Variants in CCNB3 observed in about 807,000 individuals in gnomAD.
CCNB3 encodes the protein cyclin B3.
CCNB3 carries 12 observed loss-of-function variants against 68.0 expected under a neutral mutation model. The observed-to-expected ratio is 0.18, with a 90% CI of 0.11 to 0.29. The LOEUF (loss-of-function observed/expected upper bound fraction) is 0.29. Ranked by LOEUF, CCNB3 falls within the 10% of genes least tolerant of loss-of-function variation. The probability of loss-of-function intolerance (pLI) is 1.00; values close to 1 mark genes in which losing one functional copy is unlikely to be tolerated. For missense variants in CCNB3, 904 were observed against 993.1 expected (o/e 0.91, Z 1.21); for synonymous variants, 354 against 388.9 (o/e 0.91, Z 1.06).
chrX:50,302,252 G>T (rs1557212820), intron 5 of CCNB3, among the ~76,000 whole-genome samples: 2 of 111,733 alleles, frequency 1.8e-5, no homozygotes, highest in Non-Finnish European at 3.8e-5. Flanking sequence ...GACTGGAGCT[G>T]TTCCTATTTG....
At chrX:50,226,862 AG>A (rs1472708270) in intron 1 of CCNB3, among the ~76,000 whole-genome samples, 1,934 of 71,738 alleles carry the variant, frequency 0.027, 193 homozygotes, top group African/African-American at 0.13. Context: ...GAATATATAT[AG>A]AATATATAGA....
rs782229879 is a variant in CCNB3 at position 50,310,657 on chromosome X, C to G, written c.2488C>G (p.Pro830Ala). The G allele has an allele frequency of 8.3e-7, 1 of 1,208,351 alleles. No individual in the cohort carries two copies. Among genetic ancestry groups the G allele is most frequent in the Admixed American group, 2.2e-5 (1 of 45,673 alleles). The change falls in exon 6 of 13, where the codon CCT becomes GCT. Residue 830 changes from proline (P) to alanine (A), a missense_variant. Physicochemically the swap from Pro to Ala is conservative, Grantham distance 27. This residue lies in a region of CCNB3 where 619 missense variants were observed against 609.8 expected (regional missense o/e 1.02). Coordinates refer to ENST00000376042, the MANE Select transcript of CCNB3 (RefSeq NM_033031.3). ...TGACACAGAAGCTCACTTTAAGGAA[C>G]CTTTGGCCTTGCAGGAGGAGCCCAG... ...TIDTEAHFKE[P>A]LALQEEPSTE...
chrX:50,336,368 G>T (rs957322549), intron 8 of CCNB3, among the ~76,000 whole-genome samples: 11 of 112,104 alleles, frequency 9.8e-5, no homozygotes, highest in Non-Finnish European at 1.7e-4. Flanking sequence ...GTAAGTCGGT[G>T]TTTCACCTGG....
At chrX:50,224,257 C>G (rs1392517761) in intron 1 of CCNB3, among the ~76,000 whole-genome samples, 1 of 110,841 alleles carries the variant, frequency 9.0e-6, no homozygotes, top group African/African-American at 3.3e-5. Context: ...AATATACTTT[C>G]ATGTAAAAGT....
At chrX:50,322,317 G>A (rs1922061350) in intron 8 of CCNB3, among the ~76,000 whole-genome samples, 1 of 110,806 alleles carries the variant, frequency 9.0e-6, no homozygotes, top group African/African-American at 3.3e-5. Flanking sequence ...AACAAGCAAT[G>A]GGGAAAGGAT....
At chrX:50,339,796 G>A (rs946901201) in intron 8 of CCNB3, among the ~76,000 whole-genome samples, 1 of 111,032 alleles carries the variant, frequency 9.0e-6, no homozygotes, top group African/African-American at 3.3e-5. Context: ...GGGCAAGGGG[G>A]TGGGGTAAGG....
At chrX:50,217,343 G>A (rs1327684583) in intron 1 of CCNB3, among the ~76,000 whole-genome samples, 3 of 98,938 alleles carry the variant, frequency 3.0e-5, no homozygotes, top group Non-Finnish European at 6.0e-5. Context: ...GCACAATCTC[G>A]GCTCACTGCA....
rs1380002145 is a variant in CCNB3 at position 50,351,866 on chromosome X, G to A, written c.*163G>A. 4 of 387,699 alleles carry A rather than the reference G, an allele frequency of 1.0e-5. No individual in the cohort carries two copies. Among genetic ancestry groups the A allele is most frequent in the Non-Finnish European group, 1.7e-5 (4 of 231,279 alleles). 32.0% of individuals were successfully genotyped at this position (387,699 alleles called of 1,213,427 possible). On this transcript the variant is annotated 3_prime_UTR_variant, in exon 13 of 13. Transcript: ENST00000376042. ...TTGTTTTTATGAAAGAAAAAATATT[G>A]TCATATTTGACTACAAATTTAATAA...
Position 50,351,860 on chromosome X carries a change from A to C in CCNB3, c.*157A>C, listed in dbSNP as rs1230156197. 2.5e-6 allele frequency: 1 copy of C among 399,436 alleles called. No individual in the cohort carries two copies. Among genetic ancestry groups the C allele is most frequent in the African/African-American group, 2.6e-5 (1 of 39,125 alleles). 32.9% of individuals were successfully genotyped at this position (399,436 alleles called of 1,213,427 possible). ...TGTTGCTTGTTTTTATGAAAGAAAAAATATTGTCATATTTGACTACAAATT... is the reference window on the plus strand; with the variant it reads ...TGTTGCTTGTTTTTATGAAAGAAAACATATTGTCATATTTGACTACAAATT... On this transcript the variant is annotated 3_prime_UTR_variant, in exon 13 of 13. Coordinates refer to ENST00000376042, the MANE Select transcript of CCNB3 (RefSeq NM_033031.3).
At chrX:50,209,648 G>A (rs1935451238) in intron 1 of CCNB3, among the ~76,000 whole-genome samples, 2 of 112,045 alleles carry the variant, frequency 1.8e-5, no homozygotes, top group Admixed American at 9.5e-5. Flanking sequence ...GAGCCACTGC[G>A]CCTGGCCCAA....
At chrX:50,285,357 G>A in intron 3 of CCNB3, 98 bp downstream of exon 3, 1 of 651,263 alleles carries the variant, frequency 1.5e-6, no homozygotes, top group South Asian at 2.5e-5. Flanking sequence ...AAATATGTCT[G>A]GTTTAACCTG....
At chrX:50,351,492 C>T in intron 12 of CCNB3, 115 bp from the exon 13 acceptor site, 2 of 1,054,028 alleles carry the variant, frequency 1.9e-6, no homozygotes, top group Non-Finnish European at 2.6e-6. Context: ...ACCTTCCTTT[C>T]TACTCTAGGG....
intron 1 of CCNB3, among the ~76,000 whole-genome samples, chrX:50,226,304 A>ATATATATAGAATATATATATG (rs1935791381): frequency 4.2e-5 from 1 of 24,033 alleles, no homozygotes; most frequent in African/African-American, 1.0e-4. Context: ...ATATATATAT[A>ATATATATAGAATATATATATG]GAAATATATA....
At chrX:50,336,740 T>C (rs1179316405) in intron 8 of CCNB3, among the ~76,000 whole-genome samples, 4 of 111,456 alleles carry the variant, frequency 3.6e-5, no homozygotes, top group African/African-American at 1.3e-4. Context: ...TCTTAGCCTC[T>C]CCATGTCTGG....
In CCNB3 at chrX:50,288,844, A is replaced by G. The variant is rs1936295475; in HGVS notation, c.161A>G (p.Gln54Arg). ...SSLQESPSSL[Q>R]GALKKRSAFE... ...CTTCAGGAGTCTCCATCTTCACTTC[A>G]GGGAGCACTCAAAAAGAGATCAGCT... The change falls in exon 4 of 13, where the codon CAG (glutamine) becomes CGG (arginine). Residue 54 changes from glutamine (Q) to arginine (R), a missense_variant. Physicochemically the swap from Gln to Arg is conservative, Grantham distance 43. Coordinates refer to ENST00000376042, the MANE Select transcript of CCNB3 (RefSeq NM_033031.3). 1 of 1,206,376 alleles carries G rather than the reference A, an allele frequency of 8.3e-7. No individual in the cohort carries two copies. Among genetic ancestry groups the G allele is most frequent in the African/African-American group, 1.7e-5 (1 of 57,738 alleles).
In CCNB3 at chrX:50,284,578, C is replaced by T. The variant is rs752714416; in HGVS notation, c.-76C>T. ...TGGATTACAGTTTCTTCTGATTGAA[C>T]GCAGCCTTTGAATACTGCCTGGCCT... On this transcript the variant is annotated 5_prime_UTR_variant, in exon 2 of 13. The change creates a new upstream start codon in the 5' untranslated region. Coordinates refer to ENST00000376042, the MANE Select transcript of CCNB3 (RefSeq NM_033031.3). 2 of 112,131 alleles carry T rather than the reference C, an allele frequency of 1.8e-5. No individual in the cohort carries two copies. The highest frequency in any genetic ancestry group is 3.3e-5 in the African/African-American group (1 of 30,724). The allele number at this position is 112,131 out of a possible 1,213,427, so 9.2% of individuals were successfully genotyped here. A position where few individuals can be genotyped will look rare whatever the true frequency, so the allele number is the denominator to read the frequency against.
chrX:50,351,297 C>G lies in CCNB3; in HGVS notation c.4017C>G (p.Val1339=). The G allele has an allele frequency of 2.5e-6, 3 of 1,210,213 alleles. No homozygotes were observed. The highest frequency in any genetic ancestry group is 3.4e-6 in the Non-Finnish European group (3 of 894,181). The change falls in exon 12 of 13, where the codon GTC becomes GTG. Residue 1339 remains valine, a synonymous_variant. Coordinates refer to ENST00000376042, the MANE Select transcript of CCNB3 (RefSeq NM_033031.3). ...GYSISELHPL[V]RQLNKLLTFS... ...GTATCTCTGAGCTTCACCCCTTGGT[C>G]AGACAGCTGAACAAACTGCTGACTT...
chrX:50,203,455 T>C (rs575817497), upstream of CCNB3, among the ~76,000 whole-genome samples: 4 of 112,422 alleles, frequency 3.6e-5, no homozygotes, highest in South Asian at 7.4e-4. Flanking sequence ...TGCCAATGAT[T>C]ATCAGACATC....
In CCNB3 at chrX:50,326,894, T is replaced by C. The variant is rs147275038; in HGVS notation, c.3516+12946T>C. On this transcript the variant is annotated intron_variant, in intron 8 of 12. Transcript: ENST00000376042. ...ATTTGTAGAAGGTGATCTTTGAGTT[T>C]TGGAATTTGAGGCAGATTTTATCAG... Among the ~76,000 whole-genome samples, 9 of 112,434 alleles carry C rather than the reference T, an allele frequency of 8.0e-5. No homozygotes were observed. In the East Asian group the frequency reaches 2.2e-3, roughly 28 times the overall value.
Sources: allele counts gnomAD v4.1 joint callset (sites outside exome capture counted in the v4.1 genomes callset), GRCh38; gene constraint gnomAD v4.1.1; regional missense constraint gnomAD v4.1.1; transcripts MANE v1.5; gene names NCBI Gene and HGNC (gene_info 2026-07-23, HGNC 2026-07-21).